Variants in PCDH15 observed in about 807,000 individuals in gnomAD.
The protein encoded by PCDH15 is protocadherin-15.
PCDH15 carries 129 observed loss-of-function variants against 178.5 expected under a neutral mutation model. The observed-to-expected ratio is 0.72, with a 90% confidence interval of 0.63 to 0.84. The LOEUF (loss-of-function observed/expected upper bound fraction) is 0.84. Among genes scored for constraint, PCDH15 ranks in the 40% least tolerant of loss-of-function variants. PCDH15 has a pLI of 0.00. For synonymous variants in PCDH15, 800 were observed against 732.0 expected (o/e 1.09, Z -1.50); for missense variants, 2,230 against 2,099.9 (o/e 1.06, Z -1.21).
chr10:54,827,710 T>C (rs1953154643), intron 3 of PCDH15, among the ~76,000 whole-genome samples: 3 of 152,084 alleles, frequency 2.0e-5, no homozygotes, highest in Admixed American at 1.3e-4. Context: ...AAAATTATTG[T>C]AGAGCTAATC....
At chr10:54,787,806 GT>G in intron 1 of PCDH15, among the ~76,000 whole-genome samples, 1 of 152,066 alleles carries the variant, frequency 6.6e-6, no homozygotes, top group African/African-American at 2.4e-5. Context: ...TGAGCCTTAA[GT>G]TCAGCGAAGC....
At chr10:54,644,763 C>T (rs1161796694) in intron 2 of PCDH15, among the ~76,000 whole-genome samples, 1 of 152,098 alleles carries the variant, frequency 6.6e-6, no homozygotes, top group Non-Finnish European at 1.5e-5. Context: ...TATGTTGAAA[C>T]TTAAACATCA....
intron 2 of PCDH15, among the ~76,000 whole-genome samples, chr10:55,414,773 GT>G (rs1838434957): frequency 3.2e-4 from 4 of 12,420 alleles, no homozygotes; most frequent in South Asian, 3.4e-3. Context: ...AACAAGGGGT[GT>G]GTGTGTGTGT....
Position 54,458,915 on chromosome 10 carries a change from ATGT to A in PCDH15, c.157+68894_157+68896del, listed in dbSNP as rs776925243. On this transcript the variant is annotated intron_variant, in intron 3 of 37. Coordinates refer to ENST00000644397, the MANE Select transcript of PCDH15 (RefSeq NM_001384140.1). The stretch of plus-strand genomic sequence containing the variant: ...CTAGTGTACAGCAGGTTCTTAAATA[ATGT>A]TGTTTCATTCAACATCCTTCCATTG... Among the ~76,000 whole-genome samples the A allele has an allele frequency of 5.3e-5, 8 of 152,244 alleles. No individual in the cohort carries two copies. The South Asian group carries it at 1.7e-3, about 32-fold the overall frequency.
intron 2 of PCDH15, among the ~76,000 whole-genome samples, chr10:55,145,010 C>G (rs1283455484): frequency 1.3e-5 from 2 of 151,942 alleles, no homozygotes; most frequent in African/African-American, 4.8e-5. Flanking sequence ...TACAGAAATT[C>G]TCTATTAACA....
intron 3 of PCDH15, among the ~76,000 whole-genome samples, chr10:54,415,947 A>T (rs1321533372): frequency 3.3e-5 from 5 of 152,026 alleles, no homozygotes; most frequent in African/African-American, 4.8e-5. Flanking sequence ...GAATAGGTAT[A>T]ATATTTTTTA....
chr10:54,570,552 T>A (rs1431318041), intron 2 of PCDH15, among the ~76,000 whole-genome samples: 1 of 152,144 alleles, frequency 6.6e-6, no homozygotes, highest in Non-Finnish European at 1.5e-5. Flanking sequence ...ATTGGATTTC[T>A]ATTTTTTAAA....
chr10:55,120,926 C>G (rs1190886062), intron 2 of PCDH15, among the ~76,000 whole-genome samples: 4 of 152,156 alleles, frequency 2.6e-5, no homozygotes, highest in African/African-American at 4.8e-5. Context: ...TCTCATGGAG[C>G]CTCAAGTGTG....
Position 54,772,751 on chromosome 10 carries a change from A to G in PCDH15, c.-29+28174T>C, listed in dbSNP as rs182293237. The stretch of plus-strand genomic sequence containing the variant: ...AGGCAGAAATACCATTTGACTCAGA[A>G]ATCTTGTTACTGGGTATATACCCAA... On this transcript the variant is annotated intron_variant, in intron 1 of 37. Transcript: ENST00000644397. 5.3e-5 allele frequency among the ~76,000 whole-genome samples: 8 copies of G among 152,230 alleles called. No homozygotes were observed. The East Asian group carries it at 1.5e-3, about 29-fold the overall frequency.
chr10:54,149,618 C>T (rs565033859), intron 14 of PCDH15, among the ~76,000 whole-genome samples: 8 of 152,264 alleles, frequency 5.3e-5, no homozygotes, highest in African/African-American at 1.9e-4. Flanking sequence ...TGATAGCTGA[C>T]AAATTTCACT....
chr10:54,262,721 G>GA (rs397689285), intron 8 of PCDH15, among the ~76,000 whole-genome samples: 1 of 151,900 alleles, frequency 6.6e-6, no homozygotes, highest in Non-Finnish European at 1.5e-5. Flanking sequence ...TTCTCATGGG[G>GA]CATGGGAGCT....
At chr10:53,935,788 G>A (rs2085520742) in intron 25 of PCDH15, among the ~76,000 whole-genome samples, 1 of 151,954 alleles carries the variant, frequency 6.6e-6, no homozygotes, top group East Asian at 1.9e-4. Flanking sequence ...ATAGTTGGTG[G>A]ACCTCAGGGT....
intron 2 of PCDH15, among the ~76,000 whole-genome samples, chr10:55,384,411 C>T (rs545984030): frequency 2.0e-5 from 3 of 152,150 alleles, no homozygotes; most frequent in Admixed American, 6.5e-5. Context: ...AATATTAAAA[C>T]TGTTATCTCA....
chr10:55,482,005 G>T (rs878915351), intron 2 of PCDH15, among the ~76,000 whole-genome samples: 1 of 151,872 alleles, frequency 6.6e-6, no homozygotes, highest in Admixed American at 6.6e-5. Context: ...TTATGAATCT[G>T]GGTGCTCTTG....
At chr10:55,563,173 G>A (rs781445721) in intron 2 of PCDH15, among the ~76,000 whole-genome samples, 1 of 151,834 alleles carries the variant, frequency 6.6e-6, no homozygotes, top group Non-Finnish European at 1.5e-5. Context: ...CACAATGGTA[G>A]AGACAAAAAG....
At position 55,456,148 on chromosome 10, in the gene PCDH15, G is replaced by C. The variant is rs1475728861; in HGVS notation, c.-156+171477C>G. Among the ~76,000 whole-genome samples, 6 of 151,916 alleles carry C rather than the reference G, an allele frequency of 3.9e-5. No individual in the cohort carries two copies. The East Asian group carries it at 1.2e-3, about 29-fold the overall frequency. On this transcript the variant is annotated intron_variant, in intron 2 of 5. Coordinates refer to the PCDH15 transcript ENST00000613346. ...ATCTAAAGTTTTTCTTCTAACATGAGAAAAGCAAAATACATAATAGCATCT... is the reference window on the plus strand; with the variant it reads ...ATCTAAAGTTTTTCTTCTAACATGACAAAAGCAAAATACATAATAGCATCT...
rs151281460 is a variant in PCDH15, at chr10:54,351,542, G to A, written c.475-5058C>T. Among the ~76,000 whole-genome samples the A allele has an allele frequency of 8.5e-5, 13 of 152,172 alleles. No individual in the cohort carries two copies. The East Asian group carries it at 2.3e-3, about 27-fold the overall frequency. Reference sequence around the variant, plus strand: ...ATATATTATTTATGCAGATGAGACTGAAACTTTTCACAATTTCTTCATATT... The same window carrying A: ...ATATATTATTTATGCAGATGAGACTAAAACTTTTCACAATTTCTTCATATT... On this transcript the variant is annotated intron_variant, in intron 5 of 37. Transcript: ENST00000644397.
chr10:54,871,549 G>A (rs1391406954), intron 3 of PCDH15, among the ~76,000 whole-genome samples: 1 of 151,872 alleles, frequency 6.6e-6, no homozygotes, highest in African/African-American at 2.4e-5. Context: ...ATCTCTAAAA[G>A]AGTAAAGTTC....
intron 2 of PCDH15, among the ~76,000 whole-genome samples, chr10:54,918,293 AG>A (rs1190411000): frequency 2.6e-5 from 4 of 152,060 alleles, no homozygotes; most frequent in African/African-American, 9.7e-5. Flanking sequence ...CTTCTTGGAT[AG>A]GTTGTATTAT....
Sources: gnomAD v4.1 joint callset for allele counts (sites outside exome capture counted in the v4.1 genomes callset) on GRCh38, gnomAD v4.1.1 for gene constraint, MANE v1.5 for transcripts, NCBI Gene and HGNC (gene_info 2026-07-23, HGNC 2026-07-21) for gene names.